Variants in MAP4K5 observed in about 807,000 individuals in gnomAD.
MAP4K5 encodes the protein MAPK/ERK kinase kinase kinase 5.
Under a neutral mutation model 135.6 loss-of-function variants are expected in MAP4K5, and 82 were observed. The observed-to-expected ratio is 0.60, with a 90% confidence interval of 0.51 to 0.73. The LOEUF (loss-of-function observed/expected upper bound fraction) is 0.73, where lower values mean the gene tolerates loss of function less well. Ranked by LOEUF, MAP4K5 falls within the 30% of genes least tolerant of loss-of-function variation. MAP4K5 has a pLI of 0.00. For synonymous variants in MAP4K5, 347 were observed against 335.0 expected, an observed-to-expected ratio of 1.04 and a Z score of -0.39; for missense variants, 907 against 1,010.9, an observed-to-expected ratio of 0.90 and a Z score of 1.39.
intron 5 of MAP4K5, among the ~76,000 whole-genome samples, chr14:50,483,641 A>T (rs1004944810): frequency 6.6e-6 from 1 of 151,408 alleles, no homozygotes; most frequent in Non-Finnish European, 1.5e-5. Flanking sequence ...AATTCAACAA[A>T]TATCAGGTTT....
intron 2 of MAP4K5, among the ~76,000 whole-genome samples, chr14:50,525,061 C>G (rs555451362): frequency 6.6e-6 from 1 of 152,254 alleles, no homozygotes; most frequent in East Asian, 1.9e-4. Context: ...CTTTCCTCAG[C>G]TCTCCTACAA....
intron 2 of MAP4K5, among the ~76,000 whole-genome samples, chr14:50,526,958 T>C (rs2038278543): frequency 6.6e-6 from 1 of 151,726 alleles, no homozygotes; most frequent in Non-Finnish European, 1.5e-5. Context: ...CATTTATAAT[T>C]GCAAAAAAAA....
In MAP4K5 at chr14:50,486,158, AT is replaced by A; in HGVS notation, c.202del (p.Met68TrpfsTer50). 1 of 1,411,672 alleles carries A rather than the reference AT, an allele frequency of 7.1e-7. No individual in the cohort carries two copies. The highest frequency in any genetic ancestry group is 2.5e-5 in the East Asian group (1 of 40,172). 87.4% of individuals were successfully genotyped at this position (1,411,672 alleles called of 1,614,324 possible). On this transcript the variant is annotated frameshift_variant, in exon 4 of 33. Coordinates refer to ENST00000682126, the MANE Select transcript of MAP4K5 (RefSeq NM_006575.6). LOFTEE classifies it high-confidence loss of function. ...GTTACAATGTTTACATTCTTTAACCATAAATATTTCTTGTTGAATCAAAGAA... is the reference window on the plus strand; with the variant it reads ...GTTACAATGTTTACATTCTTTAACCAAAATATTTCTTGTTGAATCAAAGAA... ...DFSLIQQEIF[M>X]VKECKHCNIV...
chr14:50,527,338 C>CAA (rs969336280), intron 2 of MAP4K5, among the ~76,000 whole-genome samples: 1 of 132,610 alleles, frequency 7.5e-6, no homozygotes, highest in Admixed American at 7.9e-5. Flanking sequence ...GACTCCGTCT[C>CAA]AAAAAAAAAA....
chr14:50,456,561 T>C lies in MAP4K5; in HGVS notation c.970A>G (p.Thr324Ala). Residue 324 changes from threonine to alanine, a missense_variant, in exon 14 of 33, where the codon ACA (threonine) becomes GCA (alanine). Coordinates refer to ENST00000682126, the MANE Select transcript of MAP4K5 (RefSeq NM_006575.6). ...HAIIRHTIRS[T>A]NRNARAERTA... ...CGTTCAGCTCTGGCATTCCTGTTTG[T>C]AGATCTAATGGTATGACGAATGATT... 1.9e-6 allele frequency: 3 copies of C among 1,579,568 alleles called. No homozygotes were observed. Among genetic ancestry groups the C allele is most frequent in the Non-Finnish European group, 2.6e-6 (3 of 1,161,358 alleles).
chr14:50,446,164 C>T lies in MAP4K5; in HGVS notation c.1143-43G>A, dbSNP rs368290024. 28 of 1,294,180 alleles carry T rather than the reference C, an allele frequency of 2.2e-5. No homozygotes were observed. The East Asian group carries it at 2.8e-4, about 13-fold the overall frequency. 80.2% of individuals were successfully genotyped at this position (1,294,180 alleles called of 1,614,324 possible). A position where few individuals can be genotyped will look rare whatever the true frequency, so the allele number is the denominator to read the frequency against. Reference sequence around the variant, plus strand: ...TGCAATTTAGATGATGATAAATGACCGTAACCGAAAACACAGATACTATTA... The same window carrying T: ...TGCAATTTAGATGATGATAAATGACTGTAACCGAAAACACAGATACTATTA... On this transcript the variant is annotated intron_variant, in intron 16 of 32. Coordinates refer to ENST00000682126, the MANE Select transcript of MAP4K5 (RefSeq NM_006575.6).
At chr14:50,471,003 C>A (rs760639056) in intron 9 of MAP4K5, among the ~76,000 whole-genome samples, 1 of 152,022 alleles carries the variant, frequency 6.6e-6, no homozygotes, top group Non-Finnish European at 1.5e-5. Context: ...AATTTCTTTT[C>A]TTTTTTTCCT....
At chr14:50,515,107 T>A (rs763635013) in intron 2 of MAP4K5, among the ~76,000 whole-genome samples, 1 of 152,160 alleles carries the variant, frequency 6.6e-6, no homozygotes, top group Non-Finnish European at 1.5e-5. Flanking sequence ...TTTCACCATG[T>A]TGGCCAGGAT....
chr14:50,481,694 G>A (rs2037246716), intron 6 of MAP4K5, among the ~76,000 whole-genome samples: 1 of 151,868 alleles, frequency 6.6e-6, no homozygotes, highest in Non-Finnish European at 1.5e-5. Context: ...TAAATAAATT[G>A]GGAGAAATAC....
intron 1 of MAP4K5, 119 bp from the exon 2 acceptor site, chr14:50,532,277 G>A: frequency 2.1e-6 from 1 of 471,590 alleles, no homozygotes; most frequent in Non-Finnish European, 3.7e-6. Context: ...AGAGAAAGGG[G>A]CCTGGAAGGG....
chr14:50,528,858 G>A (rs2038324203), intron 2 of MAP4K5, among the ~76,000 whole-genome samples: 1 of 152,158 alleles, frequency 6.6e-6, no homozygotes, highest in Non-Finnish European at 1.5e-5. Flanking sequence ...CAGAAACACA[G>A]TGATAAATAG....
At chr14:50,489,305 G>A (rs1020964251) in intron 3 of MAP4K5, among the ~76,000 whole-genome samples, 12 of 152,106 alleles carry the variant, frequency 7.9e-5, no homozygotes, top group Non-Finnish European at 1.6e-4. Flanking sequence ...CTATAATCAC[G>A]CCACTGCACT....
intron 2 of MAP4K5, among the ~76,000 whole-genome samples, chr14:50,527,284 A>G (rs902391813): frequency 6.6e-6 from 1 of 152,124 alleles, no homozygotes; most frequent in Non-Finnish European, 1.5e-5. Flanking sequence ...AGGTTGCAGT[A>G]AGCTGAGATT....
At chr14:50,462,895 T>C (rs2139812424) in intron 12 of MAP4K5, 114 bp from the exon 13 acceptor site, 2 of 619,172 alleles carry the variant, frequency 3.2e-6, no homozygotes, top group Non-Finnish European at 2.9e-6. Flanking sequence ...TATGGGAGTC[T>C]ACTAACACAA....
intron 1 of MAP4K5, among the ~76,000 whole-genome samples, chr14:50,546,773 A>G (rs1290661857): frequency 6.6e-6 from 1 of 152,186 alleles, no homozygotes; most frequent in African/African-American, 2.4e-5. Flanking sequence ...CTAATTTAAT[A>G]TAGTTGGTTC....
At chr14:50,430,753 A>G (rs2035950861) in intron 28 of MAP4K5, among the ~76,000 whole-genome samples, 1 of 152,232 alleles carries the variant, frequency 6.6e-6, no homozygotes, top group African/African-American at 2.4e-5. Context: ...TATTAAAATT[A>G]AGAGTTTCTA....
At chr14:50,466,405 A>AT (rs2036835654) in intron 11 of MAP4K5, among the ~76,000 whole-genome samples, 178 bp downstream of exon 11, 2 of 150,874 alleles carry the variant, frequency 1.3e-5, no homozygotes, top group African/African-American at 2.4e-5. Flanking sequence ...AAAAAAAAAA[A>AT]CTACCAGAAA....
At chr14:50,496,104 C>T (rs1328000419) in intron 3 of MAP4K5, among the ~76,000 whole-genome samples, 2 of 152,086 alleles carry the variant, frequency 1.3e-5, no homozygotes, top group Non-Finnish European at 2.9e-5. Flanking sequence ...GCAGGTGGAT[C>T]ATCTGAGGTC....
chr14:50,524,255 C>T (rs564218051), intron 2 of MAP4K5, among the ~76,000 whole-genome samples: 1 of 152,230 alleles, frequency 6.6e-6, no homozygotes, highest in East Asian at 1.9e-4. Flanking sequence ...ATTTCTCTTT[C>T]CTGTCATAGC....
Sources: gnomAD v4.1 joint callset for allele counts (sites outside exome capture counted in the v4.1 genomes callset) on GRCh38, gnomAD v4.1.1 for gene constraint, MANE v1.5 for transcripts, NCBI Gene and HGNC (gene_info 2026-07-23, HGNC 2026-07-21) for gene names.